The following ZNF541 variants were observed in gnomAD, a reference collection of about 807,000 sequenced individuals.
The protein encoded by ZNF541 is zinc finger protein 541.
In ZNF541, 23 loss-of-function variants were observed where a neutral mutation model predicts 123.5. That is an observed-to-expected ratio of 0.19 (90% CI 0.13 to 0.26). ZNF541 has a LOEUF of 0.26. Among genes scored for constraint, ZNF541 ranks in the 10% least tolerant of loss-of-function variants. ZNF541 has a pLI of 1.00. For synonymous variants in ZNF541, 751 were observed against 754.5 expected, an observed-to-expected ratio of 1.00 and a Z score of 0.08; for missense variants, 1,612 against 1,789.9, an observed-to-expected ratio of 0.90 and a Z score of 1.79.
chr19:47,531,332 T>G (rs1171104056), intron 12 of ZNF541, among the ~76,000 whole-genome samples: 1 of 149,818 alleles, frequency 6.7e-6, no homozygotes, highest in Admixed American at 6.8e-5. Context: ...ACTCAAGGAA[T>G]TAAGTAGATG....
Position 47,528,811 on chromosome 19 carries a change from C to A in ZNF541, c.3570+139G>T, listed in dbSNP as rs548814917. On this transcript the variant is annotated intron_variant, in intron 14 of 16. Transcript: ENST00000391901. The stretch of plus-strand genomic sequence containing the variant: ...GCTGTTCATGAGGATAGCTTTTTGA[C>A]ATTGTAAACTGTCTACAGTAAGAGT... The A allele has an allele frequency of 1.4e-5, 9 of 640,056 alleles. No individual in the cohort carries two copies. In the East Asian group the frequency reaches 2.5e-4, roughly 18 times the overall value. The allele number at this position is 640,056 out of a possible 1,614,324, so 39.6% of individuals were successfully genotyped here.
intron 3 of ZNF541, among the ~76,000 whole-genome samples, chr19:47,551,455 T>C (rs1281361209): frequency 2.0e-5 from 3 of 151,890 alleles, no homozygotes; most frequent in Admixed American, 6.6e-5. Context: ...CACCGCAGCC[T>C]TGAACTCCTG....
intron 9 of ZNF541, among the ~76,000 whole-genome samples, chr19:47,536,419 G>A (rs1969823410): frequency 6.6e-6 from 1 of 152,118 alleles, no homozygotes; most frequent in African/African-American, 2.4e-5. Context: ...TATATTTTTA[G>A]TAGAGACGAG....
At chr19:47,564,541 TTG>T (rs1971188848) in intron 2 of ZNF541, among the ~76,000 whole-genome samples, 1 of 152,194 alleles carries the variant, frequency 6.6e-6, no homozygotes. Flanking sequence ...TTTTATCATT[TTG>T]TGTTTTCATT....
rs903911749 is a variant in ZNF541, at chr19:47,528,992, C to T, written c.3528G>A (p.Ala1176=). The T allele has an allele frequency of 1.7e-5, 27 of 1,551,494 alleles. No homozygotes were observed. The highest frequency in any genetic ancestry group is 4.9e-5 in the East Asian group (2 of 40,926). ...TPIEKRLFKK[A]FYAHKKDFYL... Reference sequence around the variant, plus strand: ...AGAAGTCCTTCTTGTGGGCATAGAACGCCTTCTTAAAAAGCCTCTTCTCTA... The same window carrying T: ...AGAAGTCCTTCTTGTGGGCATAGAATGCCTTCTTAAAAAGCCTCTTCTCTA... Residue 1176 remains alanine, a synonymous_variant, in exon 14 of 17, where the codon GCG becomes GCA. Transcript: ENST00000391901.
chr19:47,560,242 G>A (rs1971006241), intron 2 of ZNF541, among the ~76,000 whole-genome samples: 1 of 152,134 alleles, frequency 6.6e-6, no homozygotes, highest in South Asian at 2.1e-4. Context: ...AAGCCAGGGA[G>A]GAAAAGCTGG....
Position 47,531,635 on chromosome 19 carries a change from T to C in ZNF541, c.3405+7A>G. On this transcript the variant is annotated splice_region_variant and intron_variant, in intron 12 of 16. Transcript: ENST00000391901. ...AAAGCAGGGAGGGTCCCCTTGCTGT[T>C]CCTCACCTGAACGTTGCCCTGAGCC... is the stretch of plus-strand genomic sequence containing the variant. The C allele has an allele frequency of 6.5e-7, 1 of 1,534,076 alleles. No individual in the cohort carries two copies. Among genetic ancestry groups the C allele is most frequent in the Non-Finnish European group, 8.8e-7 (1 of 1,134,166 alleles).
chr19:47,570,912 C>A (rs1345027065), intron 2 of ZNF541, among the ~76,000 whole-genome samples: 3 of 149,250 alleles, frequency 2.0e-5, no homozygotes, highest in African/African-American at 7.4e-5. Context: ...CGCACCACTG[C>A]ACTCCAGCCT....
intron 3 of ZNF541, among the ~76,000 whole-genome samples, chr19:47,550,970 G>C (rs1970573806): frequency 6.6e-6 from 1 of 151,854 alleles, no homozygotes; most frequent in Non-Finnish European, 1.5e-5. Flanking sequence ...CTCAATAACT[G>C]TATGTTAGAT....
rs1372396018 is a variant in ZNF541 at position 47,572,035 on chromosome 19, C to A, written c.-238G>T. Among the ~76,000 whole-genome samples, 4 of 152,150 alleles carry A rather than the reference C, an allele frequency of 2.6e-5. No individual in the cohort carries two copies. The highest frequency in any genetic ancestry group is 9.7e-5 in the African/African-American group (4 of 41,436). On this transcript the variant is annotated 5_prime_UTR_variant, in exon 2 of 17. Coordinates refer to ENST00000391901, the MANE Select transcript of ZNF541 (RefSeq NM_001277075.3). ...GGTAAATGCAGGATACTCCCAATTT[C>A]TTTTGCCCTGAAAGCAGGTGGTGGG...
chr19:47,540,403 G>GT lies in ZNF541; in HGVS notation c.2463-69dup, dbSNP rs201680757. ...TGTCCTTGATCACTGATTTTTTGTTGTTTTTTTTTCTTTTTTGTCTATAAC... is the reference window on the plus strand; with the variant it reads ...TGTCCTTGATCACTGATTTTTTGTTGTTTTTTTTTTCTTTTTTGTCTATAAC... On this transcript the variant is annotated intron_variant, in intron 6 of 16. Coordinates refer to ENST00000391901, the MANE Select transcript of ZNF541 (RefSeq NM_001277075.3). 4.5e-3 allele frequency: 5,451 copies of GT among 1,223,978 alleles called. 7 individuals carry two copies. The highest frequency in any genetic ancestry group is 0.014 in the African/African-American group (862 of 61,920). 75.8% of individuals were successfully genotyped at this position (1,223,978 alleles called of 1,614,324 possible).
chr19:47,538,658 G>A (rs1233500533), intron 8 of ZNF541, among the ~76,000 whole-genome samples: 6 of 152,164 alleles, frequency 3.9e-5, no homozygotes, highest in Admixed American at 2.6e-4. Flanking sequence ...TGCCCCAGCA[G>A]AGCCCCTGAC....
intron 2 of ZNF541, among the ~76,000 whole-genome samples, chr19:47,571,056 C>A (rs1035005333): frequency 1.3e-5 from 2 of 151,894 alleles, no homozygotes; most frequent in Non-Finnish European, 2.9e-5. Flanking sequence ...AAGAAAGAAA[C>A]CCGAAACTGA....
intron 2 of ZNF541, among the ~76,000 whole-genome samples, chr19:47,556,762 T>C (rs901645827): frequency 5.5e-5 from 8 of 146,610 alleles, no homozygotes; most frequent in Admixed American, 4.1e-4. Context: ...TTCTTTTCCT[T>C]TTTTTTTTTT....
intron 3 of ZNF541, 138 bp from the exon 4 acceptor site, chr19:47,549,623 A>G: frequency 7.4e-7 from 1 of 1,360,104 alleles, no homozygotes; most frequent in South Asian, 1.4e-5. Flanking sequence ...CACAAAGTAA[A>G]CAAGGTTCAG....
At chr19:47,567,478 T>C (rs1181973692) in intron 2 of ZNF541, among the ~76,000 whole-genome samples, 1 of 152,178 alleles carries the variant, frequency 6.6e-6, no homozygotes, top group Non-Finnish European at 1.5e-5. Flanking sequence ...AAGCTGGGTC[T>C]CGAACTCCTT....
chr19:47,526,153 C>G (rs2122884402), intron 14 of ZNF541, among the ~76,000 whole-genome samples: 1 of 152,060 alleles, frequency 6.6e-6, no homozygotes, highest in Admixed American at 6.6e-5. Flanking sequence ...AATGACGTGT[C>G]CTGAATCAAT....
In ZNF541 at chr19:47,555,580, C is replaced by A; in HGVS notation, c.277G>T (p.Ala93Ser). The part of the protein sequence containing the change: ...SDSVKLLEEY[A>S]DSESQASLQD... ...AAGGATGCCTGAGACTCCGAATCTGCGTACTCCTCCAGCAGCTTCACAGAA... is the reference window on the plus strand; with the variant it reads ...AAGGATGCCTGAGACTCCGAATCTGAGTACTCCTCCAGCAGCTTCACAGAA... The change falls in exon 3 of 17, where the codon GCA (alanine) becomes TCA (serine). Residue 93 changes from alanine (A) to serine (S), a missense_variant. Ala to Ser is a moderately conservative substitution (Grantham distance 99). Around this residue, in one of 5 missense-constraint regions of ZNF541, gnomAD observed 212 missense variants for 289.6 expected, o/e 0.73. Transcript: ENST00000391901. 1 of 1,549,268 alleles carries A rather than the reference C, an allele frequency of 6.5e-7. No homozygotes were observed. The highest frequency in any genetic ancestry group is 8.7e-7 in the Non-Finnish European group (1 of 1,145,236).
At chr19:47,571,633 G>A (rs1971481139) in intron 2 of ZNF541, among the ~76,000 whole-genome samples, 1 of 152,144 alleles carries the variant, frequency 6.6e-6, no homozygotes, top group African/African-American at 2.4e-5. Context: ...TATCTGAGTT[G>A]CCACCCTGAG....
Sources: gnomAD v4.1 joint callset for allele counts (sites outside exome capture counted in the v4.1 genomes callset) on GRCh38, gnomAD v4.1.1 for gene constraint, gnomAD v4.1.1 regional missense constraint, MANE v1.5 for transcripts, NCBI Gene and HGNC (gene_info 2026-07-23, HGNC 2026-07-21) for gene names.